Variants in P3H2 observed in about 807,000 individuals in gnomAD.
P3H2 encodes the protein leprecan-like 1.
P3H2 carries 80 observed loss-of-function variants against 87.0 expected under a neutral mutation model. The ratio of observed to expected loss-of-function variants is 0.92; its 90% CI spans 0.77 to 1.11. The LOEUF (loss-of-function observed/expected upper bound fraction) is 1.11, where lower values mean the gene tolerates loss of function less well. Among genes scored for constraint, P3H2 ranks in the 50% least tolerant of loss-of-function variants. The pLI is 0.00. For synonymous variants in P3H2, 367 were observed against 359.3 expected, an observed-to-expected ratio of 1.02 and a Z score of -0.24; for missense variants, 1,001 against 923.9, an observed-to-expected ratio of 1.08 and a Z score of -1.08.
chr3:190,028,869 C>A (rs1002918193), intron 1 of P3H2, among the ~76,000 whole-genome samples: 1 of 151,824 alleles, frequency 6.6e-6, no homozygotes, highest in Non-Finnish European at 1.5e-5. Context: ...CTTAAAAGCC[C>A]CAAACATACC....
At chr3:190,106,958 T>TTAC (rs1452524278) in intron 1 of P3H2, among the ~76,000 whole-genome samples, 1 of 152,228 alleles carries the variant, frequency 6.6e-6, no homozygotes, top group Non-Finnish European at 1.5e-5. Flanking sequence ...ATAATATCTG[T>TTAC]TATCACTAAT....
At chr3:190,059,868 C>T (rs61325810) in intron 1 of P3H2, among the ~76,000 whole-genome samples, 2 of 151,966 alleles carry the variant, frequency 1.3e-5, no homozygotes, top group Non-Finnish European at 2.9e-5. Flanking sequence ...GATTCCTTCT[C>T]GTCATCTGAG....
rs1225591004 is a variant in P3H2 at position 190,120,238 on chromosome 3, C to T, written c.480+14G>A. 6.2e-7 allele frequency: 1 copy of T among 1,607,260 alleles called. No individual in the cohort carries two copies. The highest frequency in any genetic ancestry group is 2.2e-5 in the East Asian group (1 of 44,736). On this transcript the variant is annotated intron_variant, in intron 1 of 14. Coordinates refer to ENST00000319332, the MANE Select transcript of P3H2 (RefSeq NM_018192.4). ...CCGCAGGGGCTTTGCAGTGGAGGAG[C>T]GCTCTGTGGGTACCTTGATGTAGGC...
At chr3:190,116,385 C>T (rs1712287603) in intron 1 of P3H2, among the ~76,000 whole-genome samples, 1 of 152,180 alleles carries the variant, frequency 6.6e-6, no homozygotes, top group Admixed American at 6.5e-5. Flanking sequence ...CCCATTATTT[C>T]CCCATTTTGC....
intron 1 of P3H2, among the ~76,000 whole-genome samples, chr3:190,094,890 AATT>A (rs910207384): frequency 1.5e-4 from 23 of 152,268 alleles, no homozygotes; most frequent in African/African-American, 5.3e-4. Flanking sequence ...TGACTAGAAC[AATT>A]ATTCAGATTT....
intron 1 of P3H2, among the ~76,000 whole-genome samples, chr3:190,049,991 T>C (rs1725928264): frequency 6.6e-6 from 1 of 152,192 alleles, no homozygotes; most frequent in Non-Finnish European, 1.5e-5. Flanking sequence ...ACATACTCTG[T>C]AATATCTCTC....
intron 1 of P3H2, among the ~76,000 whole-genome samples, chr3:190,067,895 A>G (rs1726564651): frequency 6.6e-6 from 1 of 152,128 alleles, no homozygotes; most frequent in Non-Finnish European, 1.5e-5. Context: ...TTTAAGTTGA[A>G]AAATGAATTT....
At chr3:190,049,863 T>C (rs920901941) in intron 1 of P3H2, among the ~76,000 whole-genome samples, 3 of 152,304 alleles carry the variant, frequency 2.0e-5, no homozygotes, top group Admixed American at 2.0e-4. Flanking sequence ...TGTGAAAAAC[T>C]GAGGGGCTTA....
At chr3:189,990,184 G>C (rs1025891127) in intron 3 of P3H2, among the ~76,000 whole-genome samples, 8 of 152,122 alleles carry the variant, frequency 5.3e-5, no homozygotes, top group Admixed American at 5.2e-4. Context: ...GAATGTGCCA[G>C]TTTTGTATAA....
chr3:190,006,913 G>C (rs1268948384), intron 1 of P3H2, among the ~76,000 whole-genome samples: 1 of 152,176 alleles, frequency 6.6e-6, no homozygotes, highest in Non-Finnish European at 1.5e-5. Flanking sequence ...TTGATACTAA[G>C]GTGAGTTGTT....
chr3:190,019,756 A>G (rs1251758123), intron 1 of P3H2, among the ~76,000 whole-genome samples: 2 of 121,876 alleles, frequency 1.6e-5, no homozygotes, highest in Non-Finnish European at 3.5e-5. Flanking sequence ...AAAGGAAAAA[A>G]TCCATGTGAC....
chr3:190,024,403 C>A (rs1366530018), intron 1 of P3H2, among the ~76,000 whole-genome samples: 1 of 151,278 alleles, frequency 6.6e-6, no homozygotes, highest in Non-Finnish European at 1.5e-5. Flanking sequence ...ATTAGCCAGG[C>A]GCGGTGGCGC....
intron 1 of P3H2, among the ~76,000 whole-genome samples, chr3:190,111,181 T>C (rs1188030404): frequency 3.3e-5 from 5 of 152,240 alleles, no homozygotes. Context: ...AGAACAGTAG[T>C]GCAAGGAATA....
chr3:190,059,182 C>A (rs1000826661), intron 1 of P3H2, among the ~76,000 whole-genome samples: 4 of 152,102 alleles, frequency 2.6e-5, no homozygotes, highest in African/African-American at 9.7e-5. Flanking sequence ...GAGGATTCTC[C>A]TACTTCCCCC....
upstream of P3H2, among the ~76,000 whole-genome samples, chr3:190,121,331 C>T (rs938511): frequency 0.36 from 53,223 of 148,084 alleles, 9,898 homozygotes; most frequent in African/African-American, 0.49. Flanking sequence ...TATCCCGGAA[C>T]GTAAAGTTAA....
At chr3:190,063,696 T>C (rs1334686750) in intron 1 of P3H2, among the ~76,000 whole-genome samples, 2 of 152,118 alleles carry the variant, frequency 1.3e-5, no homozygotes, top group African/African-American at 4.8e-5. Flanking sequence ...GTGGTGGTTG[T>C]AATTACAATG....
chr3:190,102,112 T>C (rs1044915809), intron 1 of P3H2, among the ~76,000 whole-genome samples: 9 of 152,210 alleles, frequency 5.9e-5, no homozygotes, highest in Admixed American at 5.9e-4. Flanking sequence ...TTACTGCTAA[T>C]TGACAATGCT....
In P3H2 at chr3:190,120,637, C is replaced by A. The variant is rs1712533740; in HGVS notation, c.95G>T (p.Arg32Leu). 6.5e-7 allele frequency: 1 copy of A among 1,528,990 alleles called. No individual in the cohort carries two copies. Among genetic ancestry groups the A allele is most frequent in the South Asian group, 1.2e-5 (1 of 82,776 alleles). The allele number at this position is 1,528,990 out of a possible 1,614,324, so 94.7% of individuals were successfully genotyped here. ...LWGGPPDSPR[R>L]ELELEPGPLQ... ...AGGCCCGGGCTCCAGCTCCAGCTCC[C>A]GGCGTGGGCTGTCCGGGGGGCCGCC... is the stretch of plus-strand genomic sequence containing the variant. The change falls in exon 1 of 15, where the codon CGG becomes CTG. Residue 32 changes from arginine to leucine, a missense_variant. By Grantham distance (102) the Arg-to-Leu change is moderately radical (BLOSUM62 -2). Coordinates refer to ENST00000319332, the MANE Select transcript of P3H2 (RefSeq NM_018192.4).
chr3:190,054,112 C>T (rs1396086536), intron 1 of P3H2, among the ~76,000 whole-genome samples: 1 of 152,176 alleles, frequency 6.6e-6, no homozygotes, highest in Non-Finnish European at 1.5e-5. Flanking sequence ...CATTATACTC[C>T]AAGACCACTA....
Sources: gnomAD v4.1 joint callset for allele counts (sites outside exome capture counted in the v4.1 genomes callset) on GRCh38, gnomAD v4.1.1 for gene constraint, MANE v1.5 for transcripts, NCBI Gene and HGNC (gene_info 2026-07-23, HGNC 2026-07-21) for gene names.